OSBPL8: variants seen among roughly 807,000 people sequenced by gnomAD.
OSBPL8 encodes oxysterol binding protein like 8.
Under a neutral mutation model 125.5 loss-of-function variants are expected in OSBPL8, and 59 were observed. The observed-to-expected ratio is 0.47, with a 90% confidence interval of 0.38 to 0.58. The LOEUF (loss-of-function observed/expected upper bound fraction) is 0.58. Among genes scored for constraint, OSBPL8 ranks in the 20% least tolerant of loss-of-function variants. The pLI is 0.00. For missense variants in OSBPL8, 758 were observed against 1,047.8 expected, an observed-to-expected ratio of 0.72 and a Z score of 3.82; for synonymous variants, 330 against 338.9, an observed-to-expected ratio of 0.97 and a Z score of 0.29.
rs1262810921 is a variant in OSBPL8, at chr12:76,559,737, C to T, written c.-408G>A. ...CCGCCTGGCCAGGAGCGCGTCGCGGCCTAATGTTGTCATCCGCCGCGTCGC... is the reference window on the plus strand; with the variant it reads ...CCGCCTGGCCAGGAGCGCGTCGCGGTCTAATGTTGTCATCCGCCGCGTCGC... On this transcript the variant is annotated 5_prime_UTR_variant, in exon 1 of 24. Transcript: ENST00000261183. 1 of 152,384 alleles carries T rather than the reference C, an allele frequency of 6.6e-6. No individual in the cohort carries two copies. Among genetic ancestry groups the T allele is most frequent in the African/African-American group, 2.4e-5 (1 of 41,450 alleles). The allele number at this position is 152,384 out of a possible 1,614,324, so 9.4% of individuals were successfully genotyped here.
At position 76,352,770 on chromosome 12, in the gene OSBPL8, A is replaced by C. The variant is rs1407841511; in HGVS notation, c.*3119T>G. The C allele has an allele frequency of 6.6e-6, 1 of 152,504 alleles. No homozygotes were observed. The highest frequency in any genetic ancestry group is 1.5e-5 in the Non-Finnish European group (1 of 67,924). The allele number at this position is 152,504 out of a possible 1,614,324, so 9.4% of individuals were successfully genotyped here. On this transcript the variant is annotated 3_prime_UTR_variant, in exon 24 of 24. Coordinates refer to ENST00000261183, the MANE Select transcript of OSBPL8 (RefSeq NM_020841.5). Reference sequence around the variant, plus strand: ...GGAATTTTATACATTTGTTTTCTTAAATTTTGACAGATATTCTTCAGAAAG... The same window carrying C: ...GGAATTTTATACATTTGTTTTCTTACATTTTGACAGATATTCTTCAGAAAG...
intron 1 of OSBPL8, among the ~76,000 whole-genome samples, chr12:76,507,845 C>T (rs1592813598): frequency 2.7e-5 from 4 of 148,954 alleles, no homozygotes; most frequent in Admixed American, 2.7e-4. Flanking sequence ...AAATGCTGAG[C>T]CATGAATACA....
intron 1 of OSBPL8, among the ~76,000 whole-genome samples, chr12:76,546,105 G>A (rs949127780): frequency 6.6e-6 from 1 of 152,048 alleles, no homozygotes; most frequent in Non-Finnish European, 1.5e-5. Flanking sequence ...TTCTATGCAC[G>A]GATTTTGTGT....
At chr12:76,402,085 A>G (rs1954073257) in intron 6 of OSBPL8, among the ~76,000 whole-genome samples, 2 of 152,152 alleles carry the variant, frequency 1.3e-5, no homozygotes, top group Non-Finnish European at 2.9e-5. Context: ...AACCTATCTG[A>G]TTTAATATGG....
At chr12:76,542,089 T>C (rs1487567531) in intron 1 of OSBPL8, among the ~76,000 whole-genome samples, 1 of 152,162 alleles carries the variant, frequency 6.6e-6, no homozygotes, top group Non-Finnish European at 1.5e-5. Context: ...GAGAATCGCT[T>C]GAACCCAGAA....
chr12:76,465,365 C>A lies in OSBPL8; in HGVS notation c.43-5470G>T, dbSNP rs898119697. On this transcript the variant is annotated intron_variant, in intron 2 of 23. Coordinates refer to ENST00000261183, the MANE Select transcript of OSBPL8 (RefSeq NM_020841.5). Reference sequence around the variant, plus strand: ...CACAAGGTCAGGAGATTGAGACTTTCCTGGCTAACAAGGTGAAACTCCGTC... The same window carrying A: ...CACAAGGTCAGGAGATTGAGACTTTACTGGCTAACAAGGTGAAACTCCGTC... Among the ~76,000 whole-genome samples, 5 of 151,284 alleles carry A rather than the reference C, an allele frequency of 3.3e-5. No homozygotes were observed. The East Asian group carries it at 1.0e-3, about 30-fold the overall frequency.
intron 4 of OSBPL8, among the ~76,000 whole-genome samples, chr12:76,447,809 A>T (rs577924702): frequency 6.6e-6 from 1 of 152,208 alleles, no homozygotes; most frequent in African/African-American, 2.4e-5. Flanking sequence ...GGCCTCCCAA[A>T]GTGCTGGGAT....
intron 4 of OSBPL8, among the ~76,000 whole-genome samples, chr12:76,439,891 T>C (rs991835832): frequency 6.6e-6 from 1 of 152,172 alleles, no homozygotes; most frequent in African/African-American, 2.4e-5. Context: ...TTGACAATTT[T>C]ATTAGCCTTT....
At chr12:76,435,038 G>A (rs7972856) in intron 4 of OSBPL8, among the ~76,000 whole-genome samples, 74,537 of 151,896 alleles carry the variant, frequency 0.49, 19,550 homozygotes, top group African/African-American at 0.66. Context: ...TGTATCTCAA[G>A]GAGATATCTG....
intron 4 of OSBPL8, among the ~76,000 whole-genome samples, chr12:76,439,565 C>A (rs1592685387): frequency 6.7e-6 from 1 of 150,170 alleles, no homozygotes; most frequent in Non-Finnish European, 1.5e-5. Flanking sequence ...AAATGCAGTA[C>A]TAATGTGAAA....
chr12:76,479,349 A>T (rs1362749019), intron 2 of OSBPL8, among the ~76,000 whole-genome samples: 1 of 152,158 alleles, frequency 6.6e-6, no homozygotes, highest in African/African-American at 2.4e-5. Flanking sequence ...TGCACACAAA[A>T]TTTTTTTAAA....
intron 1 of OSBPL8, among the ~76,000 whole-genome samples, chr12:76,525,410 T>C (rs1017242233): frequency 5.9e-5 from 9 of 152,338 alleles, no homozygotes; most frequent in South Asian, 2.1e-4. Context: ...CCATTACTTA[T>C]GTAATAAGTC....
intron 6 of OSBPL8, among the ~76,000 whole-genome samples, chr12:76,401,938 A>G (rs1244500785): frequency 6.6e-6 from 1 of 152,214 alleles, no homozygotes; most frequent in African/African-American, 2.4e-5. Flanking sequence ...AAGAGTGATG[A>G]TAACCTATTA....
chr12:76,501,094 TACACAC>T (rs113039903), intron 1 of OSBPL8, among the ~76,000 whole-genome samples: 1 of 150,968 alleles, frequency 6.6e-6, no homozygotes, highest in Non-Finnish European at 1.5e-5. Flanking sequence ...TGTGTATCTT[TACACAC>T]ACACACACAC....
chr12:76,432,395 C>G (rs1453866896), intron 4 of OSBPL8, among the ~76,000 whole-genome samples: 1 of 151,910 alleles, frequency 6.6e-6, no homozygotes, highest in Non-Finnish European at 1.5e-5. Context: ...GCCAGGGCAA[C>G]CCAGCGGGAC....
At chr12:76,458,632 T>G (rs1446232225) in intron 3 of OSBPL8, among the ~76,000 whole-genome samples, 1 of 151,942 alleles carries the variant, frequency 6.6e-6, no homozygotes, top group Non-Finnish European at 1.5e-5. Flanking sequence ...TTGCATGAGT[T>G]ATGGTCGTGC....
At position 76,440,735 on chromosome 12, in the gene OSBPL8, G is replaced by A. The variant is rs181592835; in HGVS notation, c.217+10116C>T. Among the ~76,000 whole-genome samples, 10 of 152,196 alleles carry A rather than the reference G, an allele frequency of 6.6e-5. No individual in the cohort carries two copies. The East Asian group carries it at 1.4e-3, about 21-fold the overall frequency. On this transcript the variant is annotated intron_variant, in intron 4 of 23. Transcript: ENST00000261183. The stretch of plus-strand genomic sequence containing the variant: ...ATTAACTAAGTACGTTACCCTTCAG[G>A]ACCTCTAATTTTATGAGGAGAATCT...
intron 7 of OSBPL8, 144 bp from the exon 8 acceptor site, chr12:76,398,041 C>A: frequency 1.4e-6 from 1 of 710,930 alleles, no homozygotes. Context: ...ACATGGCAAG[C>A]ACAGCAAACA....
At chr12:76,513,923 T>C (rs1881270813) in intron 1 of OSBPL8, among the ~76,000 whole-genome samples, 1 of 151,920 alleles carries the variant, frequency 6.6e-6, no homozygotes, top group African/African-American at 2.4e-5. Flanking sequence ...GCACTGAAGG[T>C]TAGTATTAAT....
Sources: gnomAD v4.1 joint callset for allele counts (sites outside exome capture counted in the v4.1 genomes callset) on GRCh38, gnomAD v4.1.1 for gene constraint, MANE v1.5 for transcripts, NCBI Gene and HGNC (gene_info 2026-07-23, HGNC 2026-07-21) for gene names.